Variants in CNTNAP5 observed in about 807,000 individuals in gnomAD.
The protein encoded by CNTNAP5 is contactin associated protein family member 5.
CNTNAP5 carries 72 observed loss-of-function variants against 150.2 expected under a neutral mutation model. That is an observed-to-expected ratio of 0.48 (90% confidence interval 0.40 to 0.58). The LOEUF is 0.58. CNTNAP5 is among the 20% of genes least tolerant of loss of function. CNTNAP5 has a pLI of 0.00. For synonymous variants in CNTNAP5, 672 were observed against 619.8 expected (o/e 1.08, Z -1.25); for missense variants, 1,636 against 1,626.2 (o/e 1.01, Z -0.10).
chr2:124,313,420 A>G (rs1688883484), intron 3 of CNTNAP5, among the ~76,000 whole-genome samples: 1 of 152,190 alleles, frequency 6.6e-6, no homozygotes, highest in Non-Finnish European at 1.5e-5. Context: ...TTTGACACTG[A>G]ACTGTTACAT....
At chr2:124,071,579 G>C (rs1257790370) in intron 1 of CNTNAP5, among the ~76,000 whole-genome samples, 2 of 151,702 alleles carry the variant, frequency 1.3e-5, no homozygotes, top group African/African-American at 4.8e-5. Flanking sequence ...CATTATGAGT[G>C]ACTATACATC....
At chr2:124,249,212 G>A (rs554534862) in intron 3 of CNTNAP5, among the ~76,000 whole-genome samples, 1 of 152,116 alleles carries the variant, frequency 6.6e-6, no homozygotes, top group Non-Finnish European at 1.5e-5. Flanking sequence ...GCATAACAAG[G>A]AAGAAAATAA....
chr2:124,160,920 T>C (rs1684661525), intron 1 of CNTNAP5, among the ~76,000 whole-genome samples: 1 of 152,192 alleles, frequency 6.6e-6, no homozygotes, highest in East Asian at 1.9e-4. Flanking sequence ...CTTATATTGT[T>C]TGTTTGTACT....
intron 10 of CNTNAP5, among the ~76,000 whole-genome samples, chr2:124,555,799 A>G (rs1289850440): frequency 1.3e-5 from 2 of 152,334 alleles, no homozygotes; most frequent in Non-Finnish European, 2.9e-5. Context: ...GGGTTAATCT[A>G]TTTTAAAGAT....
intron 1 of CNTNAP5, among the ~76,000 whole-genome samples, chr2:124,066,170 T>C (rs1682147031): frequency 6.6e-6 from 1 of 151,754 alleles, no homozygotes; most frequent in African/African-American, 2.4e-5. Context: ...ATGGGTAGGG[T>C]GCCACCTGAG....
chr2:124,747,134 T>C, intron 13 of CNTNAP5, 95 bp from the exon 14 acceptor site: 2 of 1,183,156 alleles, frequency 1.7e-6, no homozygotes, highest in African/African-American at 1.5e-5. Context: ...TATATACATC[T>C]ATTCTCCAAG....
intron 3 of CNTNAP5, among the ~76,000 whole-genome samples, chr2:124,326,956 C>A (rs1689234559): frequency 7.1e-6 from 1 of 140,922 alleles, no homozygotes; most frequent in African/African-American, 2.7e-5. Context: ...GCCTGGGCGA[C>A]GAGGTTAGAT....
At position 124,308,854 on chromosome 2, in the gene CNTNAP5, A is replaced by G. The variant is rs543952185; in HGVS notation, c.381+66461A>G. ...GTAGTAAAAGAATCTGTGTCTGTGA[A>G]CCAGAGTGCACTGGCTTCAAATTCC... is the stretch of plus-strand genomic sequence containing the variant. On this transcript the variant is annotated intron_variant, in intron 3 of 23. Coordinates refer to ENST00000682447, the MANE Select transcript of CNTNAP5 (RefSeq NM_001367498.1). Among the ~76,000 whole-genome samples the G allele has an allele frequency of 5.3e-5, 8 of 152,326 alleles. No individual in the cohort carries two copies. In the East Asian group the frequency reaches 1.5e-3, roughly 29 times the overall value.
At chr2:124,881,661 G>A (rs922726609) in intron 21 of CNTNAP5, among the ~76,000 whole-genome samples, 4 of 152,150 alleles carry the variant, frequency 2.6e-5, no homozygotes, top group Admixed American at 6.5e-5. Context: ...TCACTGTGGC[G>A]ATGTCCACAG....
chr2:124,152,547 A>T (rs529281531), intron 1 of CNTNAP5, among the ~76,000 whole-genome samples: 5 of 152,174 alleles, frequency 3.3e-5, no homozygotes, highest in Admixed American at 1.3e-4. Context: ...TGAAATTAAA[A>T]TTGATATATT....
chr2:124,357,895 G>T (rs1399583215), intron 3 of CNTNAP5, among the ~76,000 whole-genome samples: 4 of 150,852 alleles, frequency 2.7e-5, no homozygotes, highest in African/African-American at 9.8e-5. Flanking sequence ...AATTACCTTG[G>T]GCAGTATGGC....
At chr2:124,434,191 C>T (rs553613274) in intron 4 of CNTNAP5, among the ~76,000 whole-genome samples, 5 of 152,256 alleles carry the variant, frequency 3.3e-5, no homozygotes, top group South Asian at 2.1e-4. Flanking sequence ...TAGGTACTTG[C>T]GGTATTTTCA....
chr2:124,456,483 A>G (rs1397198034), intron 6 of CNTNAP5, among the ~76,000 whole-genome samples: 1 of 152,154 alleles, frequency 6.6e-6, no homozygotes, highest in Non-Finnish European at 1.5e-5. Flanking sequence ...TGTGAAAATG[A>G]CCATAATTGC....
At chr2:124,553,323 G>A (rs1270816396) in intron 10 of CNTNAP5, among the ~76,000 whole-genome samples, 1 of 152,074 alleles carries the variant, frequency 6.6e-6, no homozygotes. Context: ...GGCCAACATG[G>A]CAAAACACAG....
At chr2:124,873,591 G>C (rs1045193162) in intron 21 of CNTNAP5, among the ~76,000 whole-genome samples, 9 of 152,032 alleles carry the variant, frequency 5.9e-5, no homozygotes, top group African/African-American at 2.2e-4. Context: ...GAACATTCAG[G>C]CTTATTATTT....
At chr2:124,201,404 A>G (rs1447673136) in intron 1 of CNTNAP5, among the ~76,000 whole-genome samples, 2 of 152,258 alleles carry the variant, frequency 1.3e-5, no homozygotes, top group Non-Finnish European at 2.9e-5. Context: ...GAATCTTTAC[A>G]ATAAGCCATA....
chr2:124,827,278 C>T (rs971714476), intron 19 of CNTNAP5, among the ~76,000 whole-genome samples: 5 of 152,096 alleles, frequency 3.3e-5, no homozygotes, highest in African/African-American at 9.7e-5. Context: ...GCTTCCCCAC[C>T]ACATCCTGTG....
At chr2:124,818,382 G>A (rs1443682017) in intron 19 of CNTNAP5, among the ~76,000 whole-genome samples, 1 of 151,974 alleles carries the variant, frequency 6.6e-6, no homozygotes, top group Admixed American at 6.6e-5. Flanking sequence ...AATAAGCTTG[G>A]CATGGTGACA....
Position 124,914,306 on chromosome 2 carries a change from A to G in CNTNAP5, c.*18A>G. 6.3e-7 allele frequency: 1 copy of G among 1,575,618 alleles called. No individual in the cohort carries two copies. Among genetic ancestry groups the G allele is most frequent in the Non-Finnish European group, 8.7e-7 (1 of 1,149,032 alleles). ...TCATCTGAGAAACTGCAGGGTTCCT[A>G]CTACTCTTTTTTCTTGTTGTTCAAT... On this transcript the variant is annotated 3_prime_UTR_variant, in exon 24 of 24. Coordinates refer to ENST00000682447, the MANE Select transcript of CNTNAP5 (RefSeq NM_001367498.1).
Sources: gnomAD v4.1 joint callset for allele counts (sites outside exome capture counted in the v4.1 genomes callset) on GRCh38, gnomAD v4.1.1 for gene constraint, MANE v1.5 for transcripts, NCBI Gene and HGNC (gene_info 2026-07-23, HGNC 2026-07-21) for gene names.